The following SGCZ variants were observed in gnomAD, a reference collection of about 807,000 sequenced individuals.
SGCZ encodes sarcoglycan zeta.
Under a neutral mutation model 41.3 loss-of-function variants are expected in SGCZ, and 40 were observed. That is an observed-to-expected ratio of 0.97 (90% CI 0.75 to 1.26). The LOEUF is 1.26. SGCZ is among the 50% of genes most tolerant of loss of function. The pLI is 0.00. For synonymous variants in SGCZ, 206 were observed against 137.5 expected, an observed-to-expected ratio of 1.50 and a Z score of -3.49; for missense variants, 552 against 369.8, an observed-to-expected ratio of 1.49 and a Z score of -4.04.
At chr8:15,111,274 T>C (rs1299844659) in intron 1 of SGCZ, among the ~76,000 whole-genome samples, 1 of 152,090 alleles carries the variant, frequency 6.6e-6, no homozygotes. Flanking sequence ...TTTCCACGGC[T>C]GGGTAACAAA....
At position 14,878,720 on chromosome 8, in the gene SGCZ, G is replaced by C. The variant is rs1253423743; in HGVS notation, c.40-323794C>G. Among the ~76,000 whole-genome samples the C allele has an allele frequency of 2.0e-5, 3 of 152,280 alleles. No individual in the cohort carries two copies. In the East Asian group the frequency reaches 5.8e-4, roughly 29 times the overall value. On this transcript the variant is annotated intron_variant, in intron 1 of 7. Transcript: ENST00000382080. ...TGAGAATGATTCCTGTGGTGTCTAAGAGGCAAGCACTAAATAAAGAATGGC... is the reference window on the plus strand; with the variant it reads ...TGAGAATGATTCCTGTGGTGTCTAACAGGCAAGCACTAAATAAAGAATGGC...
chr8:14,781,617 A>G (rs767232983), intron 1 of SGCZ, among the ~76,000 whole-genome samples: 1 of 152,178 alleles, frequency 6.6e-6, no homozygotes, highest in Non-Finnish European at 1.5e-5. Flanking sequence ...TTATCCATTC[A>G]TTTCTAATAA....
chr8:14,224,525 T>A (rs749909074), intron 4 of SGCZ, among the ~76,000 whole-genome samples: 2 of 152,222 alleles, frequency 1.3e-5, no homozygotes, highest in Non-Finnish European at 2.9e-5. Flanking sequence ...GTATATATTA[T>A]GCAACTTTGT....
intron 1 of SGCZ, among the ~76,000 whole-genome samples, chr8:15,108,581 A>C (rs1411193069): frequency 6.6e-6 from 1 of 152,220 alleles, no homozygotes; most frequent in African/African-American, 2.4e-5. Context: ...TTTGATTCAT[A>C]AAATAAGAGT....
intron 2 of SGCZ, among the ~76,000 whole-genome samples, chr8:14,551,742 T>G (rs75569528): frequency 7.2e-6 from 1 of 138,654 alleles, no homozygotes; most frequent in Admixed American, 8.1e-5. Context: ...TATAAAGTCA[T>G]TTCCTTTTTT....
intron 2 of SGCZ, among the ~76,000 whole-genome samples, chr8:14,439,889 C>G (rs1207701148): frequency 2.6e-5 from 4 of 151,900 alleles, no homozygotes; most frequent in Non-Finnish European, 5.9e-5. Flanking sequence ...TCACAGTTAA[C>G]TATTCTGTGT....
intron 1 of SGCZ, among the ~76,000 whole-genome samples, chr8:14,971,199 T>A (rs1801284634): frequency 6.6e-6 from 1 of 152,162 alleles, no homozygotes; most frequent in Admixed American, 6.5e-5. Flanking sequence ...GTCATGTTAG[T>A]TTCATGTCTT....
At chr8:14,827,742 G>C (rs1401051083) in intron 1 of SGCZ, among the ~76,000 whole-genome samples, 1 of 152,130 alleles carries the variant, frequency 6.6e-6, no homozygotes, top group African/African-American at 2.4e-5. Context: ...TGCAATGACA[G>C]AATATAAGTC....
At position 14,120,651 on chromosome 8, in the gene SGCZ, A is replaced by G. The variant is rs972944276; in HGVS notation, c.548-12416T>C. ...AAATATGGTTTTCTATAGAAAAAAA[A>G]TCCAAAAGAATCTACAGAAAATTAA... On this transcript the variant is annotated intron_variant, in intron 5 of 7. Transcript: ENST00000382080. Among the ~76,000 whole-genome samples, 69 of 152,090 alleles carry G rather than the reference A, an allele frequency of 4.5e-4. 1 individual carries two copies. The highest frequency in any genetic ancestry group is 1.0e-4 in the Non-Finnish European group (7 of 67,968).
At chr8:14,394,398 C>G (rs887771003) in intron 2 of SGCZ, among the ~76,000 whole-genome samples, 19 of 152,106 alleles carry the variant, frequency 1.2e-4, no homozygotes, top group African/African-American at 4.6e-4. Flanking sequence ...ATCCACCCGC[C>G]TCGGCCTTTC....
At chr8:14,500,069 G>T (rs944038554) in intron 2 of SGCZ, among the ~76,000 whole-genome samples, 1 of 151,988 alleles carries the variant, frequency 6.6e-6, no homozygotes, top group Admixed American at 6.6e-5. Flanking sequence ...CCATTAAAAG[G>T]GTACTTGAAA....
chr8:14,159,676 C>T lies in SGCZ; in HGVS notation c.547+4904G>A, dbSNP rs187580011. On this transcript the variant is annotated intron_variant, in intron 5 of 7. Coordinates refer to ENST00000382080, the MANE Select transcript of SGCZ (RefSeq NM_139167.4). ...TCCTTTTCTCAGCACCTAATCTAAT[C>T]ACATTTCTTCATGGGTTGTTTGAAC... Among the ~76,000 whole-genome samples, 15 of 152,254 alleles carry T rather than the reference C, an allele frequency of 9.9e-5. No homozygotes were observed. The East Asian group carries it at 2.9e-3, about 29-fold the overall frequency.
intron 1 of SGCZ, among the ~76,000 whole-genome samples, chr8:15,140,554 CTAATAG>C (rs1241234208): frequency 1.3e-5 from 2 of 152,138 alleles, no homozygotes; most frequent in African/African-American, 4.8e-5. Context: ...CAGCTGCCAA[CTAATAG>C]TAATAATAAT....
At chr8:14,617,312 A>G (rs1471816826) in intron 1 of SGCZ, among the ~76,000 whole-genome samples, 1 of 152,192 alleles carries the variant, frequency 6.6e-6, no homozygotes, top group Non-Finnish European at 1.5e-5. Flanking sequence ...ATTTGATAAT[A>G]TGTGCAACAT....
intron 1 of SGCZ, among the ~76,000 whole-genome samples, chr8:15,161,793 G>A (rs992074092): frequency 1.3e-5 from 2 of 152,172 alleles, no homozygotes; most frequent in Admixed American, 1.3e-4. Context: ...CTAGCACTTT[G>A]GAAGGCCAAG....
At chr8:14,304,862 T>A (rs1801301459) in intron 3 of SGCZ, among the ~76,000 whole-genome samples, 1 of 152,158 alleles carries the variant, frequency 6.6e-6, no homozygotes, top group African/African-American at 2.4e-5. Flanking sequence ...ATGGATATAA[T>A]TTGGTTACAT....
intron 3 of SGCZ, among the ~76,000 whole-genome samples, chr8:14,264,560 A>G (rs927589531): frequency 9.9e-5 from 15 of 152,164 alleles, no homozygotes; most frequent in Non-Finnish European, 5.9e-5. Context: ...CAGACTAGTA[A>G]CAAAAATGGG....
At chr8:14,276,925 C>G (rs902385412) in intron 3 of SGCZ, among the ~76,000 whole-genome samples, 1 of 152,134 alleles carries the variant, frequency 6.6e-6, no homozygotes, top group African/African-American at 2.4e-5. Flanking sequence ...CCAATGGAAA[C>G]CCCTAGAGAA....
intron 3 of SGCZ, among the ~76,000 whole-genome samples, chr8:14,302,421 A>G (rs1801222508): frequency 6.6e-6 from 1 of 152,088 alleles, no homozygotes; most frequent in Non-Finnish European, 1.5e-5. Flanking sequence ...CACAGACATA[A>G]ATGAATCAAT....
Sources: gnomAD v4.1 joint callset for allele counts (sites outside exome capture counted in the v4.1 genomes callset) on GRCh38, gnomAD v4.1.1 for gene constraint, MANE v1.5 for transcripts, NCBI Gene and HGNC (gene_info 2026-07-23, HGNC 2026-07-21) for gene names.